CHCHD6: variants seen among roughly 807,000 people sequenced by gnomAD.
The protein encoded by CHCHD6 is MICOS complex subunit MIC25.
A neutral mutation model predicts 32.3 loss-of-function variants in CHCHD6; 28 were observed. The observed-to-expected ratio is 0.87, with a 90% CI of 0.64 to 1.19. The LOEUF is 1.19. Ranked by LOEUF, CHCHD6 falls within the 50% of genes most tolerant of loss-of-function variation. The pLI, the probability that CHCHD6 is intolerant of heterozygous loss-of-function variation, is 0.00. For missense variants in CHCHD6, 333 were observed against 307.0 expected, an observed-to-expected ratio of 1.08 and a Z score of -0.63; for synonymous variants, 122 against 117.5, an observed-to-expected ratio of 1.04 and a Z score of -0.25.
At chr3:126,889,810 A>T (rs2077730970) in intron 5 of CHCHD6, among the ~76,000 whole-genome samples, 1 of 151,808 alleles carries the variant, frequency 6.6e-6, no homozygotes, top group Non-Finnish European at 1.5e-5. Flanking sequence ...TGCCACAGCA[A>T]CCCCAGCAGA....
At chr3:126,920,215 T>TTC (rs1244289229) in intron 6 of CHCHD6, among the ~76,000 whole-genome samples, 2 of 151,716 alleles carry the variant, frequency 1.3e-5, no homozygotes, top group African/African-American at 2.4e-5. Context: ...GCTTTGCTTT[T>TTC]TTTTTTTTTT....
intron 6 of CHCHD6, chr3:126,953,221 G>A: frequency 1.3e-6 from 1 of 769,696 alleles, no homozygotes; most frequent in Non-Finnish European, 1.6e-6. Flanking sequence ...CTTTCCACTA[G>A]ACCAAGAGTC....
intron 5 of CHCHD6, among the ~76,000 whole-genome samples, chr3:126,885,416 G>A (rs56719842): frequency 0.024 from 3,635 of 152,218 alleles, 121 homozygotes; most frequent in East Asian, 0.15. Flanking sequence ...ACTGAGCCCC[G>A]TTTTACTAAG....
At chr3:126,807,205 A>G (rs1328492205) in intron 4 of CHCHD6, among the ~76,000 whole-genome samples, 3 of 152,064 alleles carry the variant, frequency 2.0e-5, no homozygotes, top group African/African-American at 7.2e-5. Context: ...TAAAAAAAAA[A>G]AAATTGTGAG....
intron 5 of CHCHD6, among the ~76,000 whole-genome samples, chr3:126,899,895 A>G (rs375514343): frequency 4.2e-4 from 64 of 152,334 alleles, no homozygotes; most frequent in African/African-American, 1.2e-3. Flanking sequence ...GCACCACTGG[A>G]TGTTGAAGCT....
chr3:126,773,296 G>A (rs1937576063), intron 4 of CHCHD6, among the ~76,000 whole-genome samples: 1 of 152,178 alleles, frequency 6.6e-6, no homozygotes, highest in Admixed American at 6.5e-5. Context: ...TGAATTAGGT[G>A]AAAGGGAGAA....
intron 5 of CHCHD6, among the ~76,000 whole-genome samples, chr3:126,910,014 C>T (rs1336489327): frequency 2.6e-5 from 4 of 152,314 alleles, no homozygotes; most frequent in Admixed American, 2.0e-4. Flanking sequence ...CAGTAAGTCA[C>T]GCCTATAATC....
chr3:126,902,502 G>A (rs2077942892), intron 5 of CHCHD6, among the ~76,000 whole-genome samples: 1 of 152,096 alleles, frequency 6.6e-6, no homozygotes. Context: ...AGATCATGAG[G>A]TCAGGAGATC....
In CHCHD6 at chr3:126,957,509, C is replaced by G; in HGVS notation, c.660C>G (p.Asp220Glu). Residue 220 changes from aspartate (D) to glutamate (E), a missense_variant, in exon 7 of 8, where the codon GAC (aspartate) becomes GAG (glutamate). Transcript: ENST00000290913. ...DRPHEVLLCS[D>E]LVKAYQRCVS... ...CGCATGAGGTGCTGCTGTGCTCGGA[C>G]CTGGTCAAGGCATACCAGCGCTGCG... The G allele has an allele frequency of 6.3e-7, 1 of 1,592,514 alleles. No individual in the cohort carries two copies. Among genetic ancestry groups the G allele is most frequent in the South Asian group, 1.1e-5 (1 of 87,516 alleles).
chr3:126,873,956 A>G (rs1428186368), intron 5 of CHCHD6, among the ~76,000 whole-genome samples: 2 of 152,208 alleles, frequency 1.3e-5, no homozygotes, highest in African/African-American at 4.8e-5. Flanking sequence ...CCTTGCCTCC[A>G]TTGTTGAAGC....
At chr3:126,862,376 T>C (rs1451130915) in intron 5 of CHCHD6, among the ~76,000 whole-genome samples, 39 of 43,404 alleles carry the variant, frequency 9.0e-4, no homozygotes, top group East Asian at 1.7e-3. Context: ...TCCACCACCA[T>C]CACCACCTCC....
rs563581530 is a variant in CHCHD6 at position 126,820,586 on chromosome 3, C to T, written c.412-32061C>T. Among the ~76,000 whole-genome samples the T allele has an allele frequency of 5.3e-5, 8 of 152,286 alleles. No individual in the cohort carries two copies. In the South Asian group the frequency reaches 1.2e-3, roughly 24 times the overall value. Reference sequence around the variant, plus strand: ...TCCATTGCCGTATAGTATTTCCTTGCCTGACTATACCACAATTTATAATGC... The same window carrying T: ...TCCATTGCCGTATAGTATTTCCTTGTCTGACTATACCACAATTTATAATGC... On this transcript the variant is annotated intron_variant, in intron 4 of 7. Transcript: ENST00000290913.
At chr3:126,726,828 A>G (rs1169188269) in intron 1 of CHCHD6, among the ~76,000 whole-genome samples, 2 of 152,050 alleles carry the variant, frequency 1.3e-5, no homozygotes, top group Non-Finnish European at 2.9e-5. Flanking sequence ...TGTGGAGGGA[A>G]GTGGTGGGGG....
intron 4 of CHCHD6, among the ~76,000 whole-genome samples, chr3:126,752,073 A>G (rs1936749479): frequency 6.6e-6 from 1 of 152,060 alleles, no homozygotes. Context: ...GAGTAGGGGC[A>G]CTCTAGGACT....
chr3:126,725,047 A>AT (rs755148281), intron 1 of CHCHD6, among the ~76,000 whole-genome samples: 1 of 152,084 alleles, frequency 6.6e-6, no homozygotes, highest in East Asian at 1.9e-4. Flanking sequence ...ATTAATATTG[A>AT]TTTTTTGACC....
At chr3:126,779,691 T>C (rs1327398629) in intron 4 of CHCHD6, among the ~76,000 whole-genome samples, 1 of 152,174 alleles carries the variant, frequency 6.6e-6, no homozygotes, top group Non-Finnish European at 1.5e-5. Flanking sequence ...CCCAGCACTA[T>C]TTGTTGAAAA....
intron 1 of CHCHD6, among the ~76,000 whole-genome samples, chr3:126,718,854 T>G (rs1935145688): frequency 6.6e-6 from 1 of 152,252 alleles, no homozygotes; most frequent in African/African-American, 2.4e-5. Context: ...TATTCTCACA[T>G]GACTGCTGTG....
chr3:126,952,791 C>T (rs1208518531), intron 6 of CHCHD6, among the ~76,000 whole-genome samples: 2 of 152,104 alleles, frequency 1.3e-5, no homozygotes, highest in African/African-American at 4.8e-5. Context: ...TGGGAGAGGC[C>T]CGCTCAGGCA....
intron 6 of CHCHD6, among the ~76,000 whole-genome samples, chr3:126,956,770 TG>T (rs2078791503): frequency 1.3e-5 from 2 of 152,106 alleles, no homozygotes; most frequent in Admixed American, 1.3e-4. Context: ...AAAACTACTT[TG>T]AAAAAGAAAG....
Sources: gnomAD v4.1 joint callset for allele counts (sites outside exome capture counted in the v4.1 genomes callset) on GRCh38, gnomAD v4.1.1 for gene constraint, MANE v1.5 for transcripts, NCBI Gene and HGNC (gene_info 2026-07-23, HGNC 2026-07-21) for gene names.